Variants in WDR33 observed in about 807,000 individuals in gnomAD.
WDR33 encodes the protein pre-mRNA 3' end processing protein WDR33.
In WDR33, 47 loss-of-function variants were observed where a neutral mutation model predicts 164.9. That is an observed-to-expected ratio of 0.29 (90% CI 0.23 to 0.36). The LOEUF (loss-of-function observed/expected upper bound fraction) is 0.36, where lower values mean the gene tolerates loss of function less well. WDR33 is among the 10% of genes least tolerant of loss of function. WDR33 has a pLI of 1.00. For synonymous variants in WDR33, 505 were observed against 589.0 expected (o/e 0.86, Z 2.06); for missense variants, 1,137 against 1,754.1 (o/e 0.65, Z 6.28).
At position 127,708,871 on chromosome 2, in the gene WDR33, C is replaced by T. The variant is rs773384785; in HGVS notation, c.3587G>A (p.Arg1196His). The change falls in exon 21 of 22, where the codon CGT becomes CAT. Residue 1196 changes from arginine (R) to histidine (H), a missense_variant. Arg to His is a conservative substitution (Grantham distance 29, BLOSUM62 0). Coordinates refer to ENST00000322313, the MANE Select transcript of WDR33 (RefSeq NM_018383.5). The surrounding 1 kb of genome is among the most constrained non-coding windows in gnomAD (Gnocchi z 6.7). ...GGGATGATCAGGGCGGGGAGTATCACGAAAATGTTCATGACCTGGCCCTGA... is the reference window on the plus strand; with the variant it reads ...GGGATGATCAGGGCGGGGAGTATCATGAAAATGTTCATGACCTGGCCCTGA... ...REPGPGHEHF[R>H]DTPRPDHPPH... 1.7e-5 allele frequency: 27 copies of T among 1,576,700 alleles called. No individual in the cohort carries two copies. The highest frequency in any genetic ancestry group is 4.6e-5 in the South Asian group (4 of 86,680).
In WDR33 at chr2:127,724,820, C is replaced by T; in HGVS notation, c.1085+67G>A. ...ACACTTAGAAAAGCTACAAAACTAT[C>T]ATGTCTGCACACATTCACGTGCTCT... On this transcript the variant is annotated intron_variant, in intron 10 of 21. Transcript: ENST00000322313. The surrounding 1 kb of genome is among the most constrained non-coding windows in gnomAD (Gnocchi z 4.8). 1 of 1,531,940 alleles carries T rather than the reference C, an allele frequency of 6.5e-7. No homozygotes were observed. Among genetic ancestry groups the T allele is most frequent in the South Asian group, 1.1e-5 (1 of 88,886 alleles). 94.9% of individuals were successfully genotyped at this position (1,531,940 alleles called of 1,614,324 possible).
At chr2:127,803,121 T>G (rs1689311032) in intron 1 of WDR33, among the ~76,000 whole-genome samples, 1 of 152,150 alleles carries the variant, frequency 6.6e-6, no homozygotes. Flanking sequence ...TCAAGTAACT[T>G]TTGAAGAAAG....
intron 7 of WDR33, among the ~76,000 whole-genome samples, chr2:127,745,148 GAGAGCGGCCTTC>G (rs894851232): frequency 5.3e-5 from 8 of 152,170 alleles, no homozygotes; most frequent in African/African-American, 1.9e-4. Flanking sequence ...AACGCATACT[GAGAGCGGCCTTC>G]AGTGGCATAG....
At chr2:127,747,923 C>T (rs1687212932) in intron 7 of WDR33, among the ~76,000 whole-genome samples, 1 of 152,210 alleles carries the variant, frequency 6.6e-6, no homozygotes, top group East Asian at 1.9e-4. Context: ...AAACATTCCA[C>T]GCTCCTGTTG....
rs1285499259 is a variant in WDR33, at chr2:127,712,615, T to C, written c.3308+968A>G. Among the ~76,000 whole-genome samples, 4 of 152,228 alleles carry C rather than the reference T, an allele frequency of 2.6e-5. No homozygotes were observed. The highest frequency in any genetic ancestry group is 5.9e-5 in the Non-Finnish European group (4 of 68,042). The stretch of plus-strand genomic sequence containing the variant: ...GCACCTATCTCACAAATTCTTTAAA[T>C]AAAATGAGTTAATTTCCTAAATTAA... On this transcript the variant is annotated intron_variant, in intron 18 of 21. Coordinates refer to ENST00000322313, the MANE Select transcript of WDR33 (RefSeq NM_018383.5). The surrounding 1 kb of genome is among the most constrained non-coding windows in gnomAD (Gnocchi z 4.0).
chr2:127,789,844 AT>A (rs1212744259), intron 1 of WDR33, among the ~76,000 whole-genome samples: 1 of 149,420 alleles, frequency 6.7e-6, no homozygotes, highest in Non-Finnish European at 1.5e-5. Flanking sequence ...CTAAAAAAAA[AT>A]TTTTTTTTGA....
intron 1 of WDR33, among the ~76,000 whole-genome samples, chr2:127,788,505 G>A (rs1688700700): frequency 1.6e-5 from 2 of 127,752 alleles, no homozygotes; most frequent in African/African-American, 3.2e-5. Flanking sequence ...GGACGGGGCG[G>A]CTGGCCGGGT....
At position 127,709,471 on chromosome 2, in the gene WDR33, A is replaced by G. The variant is rs749453123; in HGVS notation, c.3565+19T>C. 3.1e-5 allele frequency: 50 copies of G among 1,612,458 alleles called. No homozygotes were observed. Among genetic ancestry groups the G allele is most frequent in the Non-Finnish European group, 4.2e-5 (50 of 1,178,670 alleles). The stretch of plus-strand genomic sequence containing the variant: ...GAACTGCAGTCTAGAGTTACCCAAC[A>G]AGCGGTTCTTTTCCTTACCAGGCTC... On this transcript the variant is annotated intron_variant, in intron 20 of 21. Coordinates refer to ENST00000322313, the MANE Select transcript of WDR33 (RefSeq NM_018383.5). The surrounding 1 kb of genome is among the most constrained non-coding windows in gnomAD (Gnocchi z 5.0).
Position 127,763,047 on chromosome 2 carries a change from T to C in WDR33, c.724+15A>G, listed in dbSNP as rs957185820. 1.9e-6 allele frequency: 3 copies of C among 1,613,878 alleles called. No homozygotes were observed. The African/African-American group carries it at 4.0e-5, about 22-fold the overall frequency. On this transcript the variant is annotated intron_variant, in intron 7 of 21. Coordinates refer to ENST00000322313, the MANE Select transcript of WDR33 (RefSeq NM_018383.5). The surrounding 1 kb of genome is among the most constrained non-coding windows in gnomAD (Gnocchi z 4.5). Reference sequence around the variant, plus strand: ...CCTATTTAAATATTCCAATCAGTACTGTTAGTACACGTACCTCGGAGAATT... The same window carrying C: ...CCTATTTAAATATTCCAATCAGTACCGTTAGTACACGTACCTCGGAGAATT...
At chr2:127,728,842 G>A (rs188078404) in intron 7 of WDR33, among the ~76,000 whole-genome samples, 14 of 152,166 alleles carry the variant, frequency 9.2e-5, no homozygotes, top group Non-Finnish European at 8.8e-5. Flanking sequence ...CTTAACAGCC[G>A]TCTCTATCTA....
At chr2:127,775,255 C>T (rs1688150406) in intron 1 of WDR33, among the ~76,000 whole-genome samples, 1 of 152,136 alleles carries the variant, frequency 6.6e-6, no homozygotes, top group African/African-American at 2.4e-5. Flanking sequence ...GTGGCGTGAT[C>T]CCAGCTCACT....
At chr2:127,756,050 G>A (rs1473011931) in intron 7 of WDR33, among the ~76,000 whole-genome samples, 1 of 152,048 alleles carries the variant, frequency 6.6e-6, no homozygotes, top group African/African-American at 2.4e-5. Flanking sequence ...CCATAAAAAA[G>A]TGGCCAGGCA....
At position 127,721,719 on chromosome 2, in the gene WDR33, C is replaced by T. The variant is rs529691486; in HGVS notation, c.1671+117G>A. ...CTTCTAGCATAGCAACAGGAAATGG[C>T]GGTGTTTGTCAGACCATGGGAGAGC... On this transcript the variant is annotated intron_variant, in intron 15 of 21. Transcript: ENST00000322313. This position sits in a 1 kb window ranked among gnomAD's most constrained non-coding sequence, Gnocchi z 4.9. 7.6e-6 allele frequency: 8 copies of T among 1,055,218 alleles called. No homozygotes were observed. In the African/African-American group the frequency reaches 8.2e-5, roughly 11 times the overall value. 65.4% of individuals were successfully genotyped at this position (1,055,218 alleles called of 1,614,324 possible).
intron 1 of WDR33, chr2:127,798,783 T>C (rs1205446304): frequency 1.3e-5 from 2 of 152,054 alleles, no homozygotes; most frequent in East Asian, 1.9e-4. Context: ...TGAAAAAAAA[T>C]TCACCAATGA....
At chr2:127,785,557 T>C (rs72968994) in intron 1 of WDR33, among the ~76,000 whole-genome samples, 311 of 152,344 alleles carry the variant, frequency 2.0e-3, no homozygotes, top group African/African-American at 7.1e-3. Context: ...TGTCATACAG[T>C]TGGAATCATA....
In WDR33 at chr2:127,722,648, T is replaced by G. The variant is rs1686468054; in HGVS notation, c.1461A>C (p.Lys487Asn). The change falls in exon 14 of 22, where the codon AAA becomes AAC. Residue 487 changes from lysine to asparagine, a missense_variant. Lys to Asn is a moderately conservative substitution (Grantham distance 94). This residue lies in a region of WDR33 where 75 missense variants were observed against 124.7 expected (regional missense o/e 0.60). Transcript: ENST00000322313. This position sits in a 1 kb window ranked among gnomAD's most constrained non-coding sequence, Gnocchi z 5.1. ...GMEEVMQKDQ[K>N]KVPQKKVPYA... is the part of the protein sequence containing the mutation. The stretch of plus-strand genomic sequence containing the variant: ...AAGGAACTTTCTTCTGAGGTACTTT[T>G]TTCTGATCCTTTTGCATCACTTCCT... 1 of 1,614,052 alleles carries G rather than the reference T, an allele frequency of 6.2e-7. No individual in the cohort carries two copies. Among genetic ancestry groups the G allele is most frequent in the African/African-American group, 1.3e-5 (1 of 74,928 alleles).
In WDR33 at chr2:127,701,767, G is replaced by A; in HGVS notation, c.*4556C>T. ...ACGCGCGGGCAGCGGCTGGCGGCGGGCGGCGGGTGCCTGCTGCTGGCTGCA... is the reference window on the plus strand; with the variant it reads ...ACGCGCGGGCAGCGGCTGGCGGCGGACGGCGGGTGCCTGCTGCTGGCTGCA... On this transcript the variant is annotated 3_prime_UTR_variant, in exon 22 of 22. Coordinates refer to ENST00000322313, the MANE Select transcript of WDR33 (RefSeq NM_018383.5). 7.0e-7 allele frequency: 1 copy of A among 1,426,848 alleles called. No homozygotes were observed. The highest frequency in any genetic ancestry group is 9.2e-7 in the Non-Finnish European group (1 of 1,090,212). The allele number at this position is 1,426,848 out of a possible 1,614,324, so 88.4% of individuals were successfully genotyped here. A position where few individuals can be genotyped will look rare whatever the true frequency, so the allele number is the denominator to read the frequency against.
intron 1 of WDR33, among the ~76,000 whole-genome samples, chr2:127,797,928 T>G (rs1477800989): frequency 2.6e-5 from 4 of 151,318 alleles, no homozygotes; most frequent in Non-Finnish European, 5.9e-5. Flanking sequence ...GCAGGAGGAC[T>G]GCTTGAGCCC....
chr2:127,780,455 A>G (rs1688333621), intron 1 of WDR33, among the ~76,000 whole-genome samples: 1 of 152,230 alleles, frequency 6.6e-6, no homozygotes, highest in Admixed American at 6.5e-5. Flanking sequence ...CAAAATGATC[A>G]ACATGCTCTT....
Sources: gnomAD v4.1 joint callset for allele counts (sites outside exome capture counted in the v4.1 genomes callset) on GRCh38, gnomAD v4.1.1 for gene constraint, gnomAD v4.1.1 regional missense constraint, Gnocchi (gnomAD v3.1) non-coding constraint, MANE v1.5 for transcripts, NCBI Gene and HGNC (gene_info 2026-07-23, HGNC 2026-07-21) for gene names.